The following EGLN3 variants were observed in gnomAD, a reference collection of about 807,000 sequenced individuals.
EGLN3 encodes prolyl hydroxylase EGLN3.
Under a neutral mutation model 26.0 loss-of-function variants are expected in EGLN3, and 15 were observed. The observed-to-expected ratio is 0.58, with a 90% CI of 0.39 to 0.89. The LOEUF is 0.89. EGLN3 is among the 40% of genes least tolerant of loss of function. The probability of loss-of-function intolerance (pLI) is 0.00; values close to 1 mark genes in which losing one functional copy is unlikely to be tolerated. For synonymous variants in EGLN3, 147 were observed against 127.2 expected (o/e 1.16, Z -1.05); for missense variants, 238 against 311.6 (o/e 0.76, Z 1.78).
intron 1 of EGLN3, among the ~76,000 whole-genome samples, chr14:33,939,279 C>T (rs1192501792): frequency 6.6e-6 from 1 of 151,846 alleles, no homozygotes; most frequent in Non-Finnish European, 1.5e-5. Context: ...GGCGCGATCT[C>T]GGCTCACTGC....
At chr14:33,944,006 G>A (rs1488930705) in intron 1 of EGLN3, among the ~76,000 whole-genome samples, 1 of 152,164 alleles carries the variant, frequency 6.6e-6, no homozygotes, top group Non-Finnish European at 1.5e-5. Context: ...TTTTCAGTCA[G>A]AATTATATTT....
chr14:33,927,441 G>A (rs1159051667), intron 3 of EGLN3, among the ~76,000 whole-genome samples: 3 of 152,144 alleles, frequency 2.0e-5, no homozygotes, highest in Non-Finnish European at 4.4e-5. Flanking sequence ...TTGCAGGTGT[G>A]AGCCACCATG....
intron 1 of EGLN3, among the ~76,000 whole-genome samples, chr14:33,938,010 C>T (rs1437620652): frequency 6.6e-6 from 1 of 152,242 alleles, no homozygotes; most frequent in Admixed American, 6.5e-5. Flanking sequence ...GGATCATTAA[C>T]TACCCAGAGC....
intron 1 of EGLN3, among the ~76,000 whole-genome samples, chr14:33,940,647 A>G (rs891130579): frequency 6.6e-6 from 1 of 152,116 alleles, no homozygotes; most frequent in African/African-American, 2.4e-5. Context: ...GATGCCTCTT[A>G]TCCAGGGACC....
In EGLN3 at chr14:33,927,033, T is replaced by G. The variant is rs1329736666; in HGVS notation, c.615A>C (p.Arg205Ser). Residue 205 changes from arginine to serine, a missense_variant and splice_region_variant, in exon 4 of 5, where the codon AGA becomes AGC. Transcript: ENST00000250457. ...PHEVQPSYAT[R>S]YAMTVWYFDA... ...CAAAGTACCAGACAGTCATAGCATA[T>G]CTGTGAAAGATAAGCAGATATAAGG... The G allele has an allele frequency of 6.3e-7, 1 of 1,593,232 alleles. No homozygotes were observed. Among genetic ancestry groups the G allele is most frequent in the South Asian group, 1.2e-5 (1 of 86,802 alleles).
intron 1 of EGLN3, among the ~76,000 whole-genome samples, chr14:33,934,922 G>T (rs1220739911): frequency 6.6e-6 from 1 of 152,148 alleles, no homozygotes; most frequent in Non-Finnish European, 1.5e-5. Context: ...GATTTGTTGA[G>T]AAAAGCGTGA....
rs2064357635 is a variant in EGLN3 at position 33,925,750 on chromosome 14, C to T, written c.*141G>A. ...TGGCAAGAAAACATGAAGTACCACA[C>T]ACAAGACAGGGATGTGAAGGATGCA... is the stretch of plus-strand genomic sequence containing the variant. On this transcript the variant is annotated 3_prime_UTR_variant, in exon 5 of 5. Coordinates refer to ENST00000250457, the MANE Select transcript of EGLN3 (RefSeq NM_022073.4). The T allele has an allele frequency of 8.7e-6, 8 of 921,730 alleles. No homozygotes were observed. In the South Asian group the frequency reaches 1.3e-4, roughly 14 times the overall value. The allele number at this position is 921,730 out of a possible 1,614,324, so 57.1% of individuals were successfully genotyped here. A position where few individuals can be genotyped will look rare whatever the true frequency, so the allele number is the denominator to read the frequency against.
In EGLN3 at chr14:33,950,505, C is replaced by T. The variant is rs1292589949; in HGVS notation, c.248G>A (p.Gly83Asp). The change falls in exon 1 of 5, where the codon GGC (glycine) becomes GAC (aspartate). Residue 83 changes from glycine to aspartate, a missense_variant. Coordinates refer to ENST00000250457, the MANE Select transcript of EGLN3 (RefSeq NM_022073.4). Reference protein sequence around the residue: ...LRGDQITWIGGNEEGCEAISF... With the variant: ...LRGDQITWIGDNEEGCEAISF... ...GATGGCCTCGCAGCCCTCCTCGTTG[C>T]CCCCGATCCACGTGATCTGGTCGCC... is the stretch of plus-strand genomic sequence containing the variant. 6.2e-7 allele frequency: 1 copy of T among 1,613,644 alleles called. No homozygotes were observed. Among genetic ancestry groups the T allele is most frequent in the Non-Finnish European group, 8.5e-7 (1 of 1,180,028 alleles).
At chr14:33,945,014 T>G (rs1312265987) in intron 1 of EGLN3, among the ~76,000 whole-genome samples, 2 of 152,226 alleles carry the variant, frequency 1.3e-5, no homozygotes, top group African/African-American at 4.8e-5. Context: ...CATGAAAACT[T>G]GCCCATTGGA....
intron 1 of EGLN3, among the ~76,000 whole-genome samples, chr14:33,937,840 G>A (rs1200133960): frequency 1.3e-5 from 2 of 152,128 alleles, no homozygotes; most frequent in Non-Finnish European, 2.9e-5. Flanking sequence ...CAGAACTTCT[G>A]AAAATAAAAA....
chr14:33,937,522 C>T (rs945902752), intron 1 of EGLN3, among the ~76,000 whole-genome samples: 2 of 152,158 alleles, frequency 1.3e-5, no homozygotes, highest in African/African-American at 4.8e-5. Flanking sequence ...GTCCAGCCAC[C>T]GTGTTCACCT....
At chr14:33,949,876 TTACCCTTTC>T in intron 1 of EGLN3, 5 of 181,812 alleles carry the variant, frequency 2.8e-5, no homozygotes, top group East Asian at 1.5e-4. Flanking sequence ...AAGTGGAGTT[TTACCCTTTC>T]ACACCTGCCC....
intron 3 of EGLN3, among the ~76,000 whole-genome samples, chr14:33,927,531 G>C (rs1030305004): frequency 6.6e-6 from 1 of 152,100 alleles, no homozygotes; most frequent in Non-Finnish European, 1.5e-5. Context: ...AAATGCATAA[G>C]GAATTCCAGG....
chr14:33,942,272 TAAGAAAGGA>T (rs2064488601), intron 1 of EGLN3, among the ~76,000 whole-genome samples: 1 of 148,826 alleles, frequency 6.7e-6, no homozygotes. Flanking sequence ...ATTTTTCTAC[TAAGAAAGGA>T]AAGAAAGTTT....
At position 33,929,036 on chromosome 14, in the gene EGLN3, C is replaced by T. The variant is rs559530736; in HGVS notation, c.614+40G>A. 12 of 1,607,152 alleles carry T rather than the reference C, an allele frequency of 7.5e-6. No homozygotes were observed. In the Admixed American group the frequency reaches 1.5e-4, roughly 20 times the overall value. On this transcript the variant is annotated intron_variant, in intron 3 of 4. Coordinates refer to ENST00000250457, the MANE Select transcript of EGLN3 (RefSeq NM_022073.4). ...GAGTTCTCTGGAACTAGGGTTTGTA[C>T]ACCAAGCTCCGGAAGAGGAATCATG...
At position 33,933,085 on chromosome 14, in the gene EGLN3, C is replaced by T. The variant is rs374848308; in HGVS notation, c.358-1870G>A. ...AATCTTATATGCTTAAACAGCTCTT[C>T]TCTAAGGAAAAGGTCAGTGGTCTGG... On this transcript the variant is annotated intron_variant, in intron 1 of 4. Coordinates refer to ENST00000250457, the MANE Select transcript of EGLN3 (RefSeq NM_022073.4). Among the ~76,000 whole-genome samples, 362 of 152,240 alleles carry T rather than the reference C, an allele frequency of 2.4e-3. 1 individual carries two copies. The highest frequency in any genetic ancestry group is 8.3e-3 in the African/African-American group (344 of 41,548).
intron 1 of EGLN3, among the ~76,000 whole-genome samples, chr14:33,932,131 G>A (rs2064409316): frequency 6.6e-6 from 1 of 152,160 alleles, no homozygotes; most frequent in Admixed American, 6.5e-5. Context: ...TGCAGTAGGT[G>A]CAAGGAAAAT....
At chr14:33,945,511 A>C (rs2064511685) in intron 1 of EGLN3, among the ~76,000 whole-genome samples, 2 of 152,230 alleles carry the variant, frequency 1.3e-5, no homozygotes, top group Admixed American at 6.5e-5. Flanking sequence ...CTCATCTGCA[A>C]CTAAAGGCTG....
chr14:33,934,991 C>T (rs1370697562), intron 1 of EGLN3, among the ~76,000 whole-genome samples: 2 of 152,184 alleles, frequency 1.3e-5, no homozygotes, highest in African/African-American at 4.8e-5. Context: ...CCGACAAATG[C>T]TAGATCCCCT....
Sources: gnomAD v4.1 joint callset for allele counts (sites outside exome capture counted in the v4.1 genomes callset) on GRCh38, gnomAD v4.1.1 for gene constraint, MANE v1.5 for transcripts, NCBI Gene and HGNC (gene_info 2026-07-23, HGNC 2026-07-21) for gene names.